PIEZO2: variants seen among roughly 807,000 people sequenced by gnomAD.
PIEZO2 encodes the protein piezo type mechanosensitive ion channel component 2.
In PIEZO2, 172 loss-of-function variants were observed where a neutral mutation model predicts 337.3. The observed-to-expected ratio is 0.51, with a 90% confidence interval of 0.45 to 0.58. The LOEUF (loss-of-function observed/expected upper bound fraction) is 0.58. Among genes scored for constraint, PIEZO2 ranks in the 20% least tolerant of loss-of-function variants. The pLI is 0.00. For synonymous variants in PIEZO2, 1,251 were observed against 1,228.5 expected, an observed-to-expected ratio of 1.02 and a Z score of -0.38; for missense variants, 3,028 against 3,391.3, an observed-to-expected ratio of 0.89 and a Z score of 2.66.
chr18:10,684,730 T>A (rs1408677869), intron 49 of PIEZO2, among the ~76,000 whole-genome samples: 1 of 152,216 alleles, frequency 6.6e-6, no homozygotes, highest in Non-Finnish European at 1.5e-5. Context: ...CCTCCCAAAG[T>A]GCTGGGATTA....
Position 11,009,521 on chromosome 18 carries a change from G to A in PIEZO2, c.161-29861C>T, listed in dbSNP as rs1180675407. On this transcript the variant is annotated intron_variant, in intron 2 of 55. Coordinates refer to ENST00000674853, the MANE Select transcript of PIEZO2 (RefSeq NM_001378183.1). This position sits in a 1 kb window ranked among gnomAD's most constrained non-coding sequence, Gnocchi z 4.6. ...AGGCGCGTGTGAGAGCAGCGTATGAGAGTAGCAGCACCTTTCTTCTTATTA... is the reference window on the plus strand; with the variant it reads ...AGGCGCGTGTGAGAGCAGCGTATGAAAGTAGCAGCACCTTTCTTCTTATTA... Among the ~76,000 whole-genome samples the A allele has an allele frequency of 6.6e-6, 1 of 152,220 alleles. No homozygotes were observed. The highest frequency in any genetic ancestry group is 1.5e-5 in the Non-Finnish European group (1 of 68,038).
At position 10,877,948 on chromosome 18, in the gene PIEZO2, A is replaced by G. The variant is rs1403475067; in HGVS notation, c.330-6533T>C. On this transcript the variant is annotated intron_variant, in intron 4 of 55. Coordinates refer to ENST00000674853, the MANE Select transcript of PIEZO2 (RefSeq NM_001378183.1). The surrounding 1 kb of genome is among the most constrained non-coding windows in gnomAD (Gnocchi z 5.3). ...ACGCGCCAGTGTTTTCCCTCTGAGCAAGTGTGCAGTCTTCTCCCTTGGCCA... is the reference window on the plus strand; with the variant it reads ...ACGCGCCAGTGTTTTCCCTCTGAGCGAGTGTGCAGTCTTCTCCCTTGGCCA... 6.6e-6 allele frequency among the ~76,000 whole-genome samples: 1 copy of G among 152,122 alleles called. No individual in the cohort carries two copies. The highest frequency in any genetic ancestry group is 1.5e-5 in the Non-Finnish European group (1 of 68,024).
chr18:10,699,204 G>A lies in PIEZO2; in HGVS notation c.6442-27C>T, dbSNP rs1479924307. On this transcript the variant is annotated intron_variant, in intron 43 of 55. Coordinates refer to ENST00000674853, the MANE Select transcript of PIEZO2 (RefSeq NM_001378183.1). ...TGAGAAAGCAGGGACAGGGACAAAT[G>A]AGGCTACTGTTTCAGGTGGAACCCT... 5 of 1,536,744 alleles carry A rather than the reference G, an allele frequency of 3.3e-6. No individual in the cohort carries two copies. The South Asian group carries it at 3.6e-5, about 11-fold the overall frequency.
At chr18:10,896,996 A>G (rs753821308) in intron 4 of PIEZO2, among the ~76,000 whole-genome samples, 4 of 152,248 alleles carry the variant, frequency 2.6e-5, no homozygotes, top group Non-Finnish European at 5.9e-5. Flanking sequence ...CTACAGCAAT[A>G]GAACGATGCA....
chr18:10,701,188 G>A (rs990865816), intron 43 of PIEZO2, among the ~76,000 whole-genome samples: 1 of 152,206 alleles, frequency 6.6e-6, no homozygotes, highest in Non-Finnish European at 1.5e-5. Context: ...AGGTTAAGAC[G>A]AGGGAAAGAA....
At chr18:10,965,290 G>A (rs1012632336) in intron 3 of PIEZO2, among the ~76,000 whole-genome samples, 11 of 152,172 alleles carry the variant, frequency 7.2e-5, no homozygotes, top group Non-Finnish European at 1.5e-4. Context: ...GTCAACACAT[G>A]TTATTGCCAC....
At chr18:10,948,543 G>A (rs1001012090) in intron 3 of PIEZO2, among the ~76,000 whole-genome samples, 4 of 152,148 alleles carry the variant, frequency 2.6e-5, no homozygotes, top group African/African-American at 9.7e-5. Context: ...TGATTAGAAT[G>A]GGTGTTGAGA....
intron 1 of PIEZO2, among the ~76,000 whole-genome samples, chr18:11,118,928 GA>G (rs1361993972): frequency 6.6e-6 from 1 of 152,156 alleles, no homozygotes; most frequent in Non-Finnish European, 1.5e-5. Flanking sequence ...AAAGCAACTG[GA>G]ACATAGAAAA....
At chr18:10,941,840 C>T (rs894865820) in intron 3 of PIEZO2, among the ~76,000 whole-genome samples, 1 of 152,210 alleles carries the variant, frequency 6.6e-6, no homozygotes, top group Non-Finnish European at 1.5e-5. Flanking sequence ...TCTGTGTTCC[C>T]ACCCAAATCT....
chr18:11,108,782 C>A (rs1001929202), intron 1 of PIEZO2, among the ~76,000 whole-genome samples: 44 of 152,110 alleles, frequency 2.9e-4, no homozygotes, highest in African/African-American at 9.9e-4. Context: ...GCTCGTGCCA[C>A]AGCTGGTTTG....
At chr18:11,142,029 C>G (rs1301657725) in intron 1 of PIEZO2, among the ~76,000 whole-genome samples, 1 of 152,098 alleles carries the variant, frequency 6.6e-6, no homozygotes, top group Non-Finnish European at 1.5e-5. Context: ...TCCACAATAT[C>G]CTAGTTTAAT....
At position 11,078,568 on chromosome 18, in the gene PIEZO2, A is replaced by T. The variant is rs948432274; in HGVS notation, c.65-12346T>A. Among the ~76,000 whole-genome samples, 1 of 152,200 alleles carries T rather than the reference A, an allele frequency of 6.6e-6. No individual in the cohort carries two copies. The highest frequency in any genetic ancestry group is 2.4e-5 in the African/African-American group (1 of 41,442). On this transcript the variant is annotated intron_variant, in intron 1 of 55. Coordinates refer to ENST00000674853, the MANE Select transcript of PIEZO2 (RefSeq NM_001378183.1). This position sits in a 1 kb window ranked among gnomAD's most constrained non-coding sequence, Gnocchi z 5.3. ...CATCCTCTTCCCTGACATATATGGA[A>T]CTATCGCTTTTGCTTTCAAATATTT...
intron 4 of PIEZO2, among the ~76,000 whole-genome samples, chr18:10,889,738 G>A (rs1275588325): frequency 6.6e-6 from 1 of 152,184 alleles, no homozygotes; most frequent in Non-Finnish European, 1.5e-5. Context: ...GACTAACAAG[G>A]AGGTGTCAGG....
rs972811901 is a variant in PIEZO2, at chr18:11,110,577, G to A, written c.64+37948C>T. Among the ~76,000 whole-genome samples, 1 of 152,162 alleles carries A rather than the reference G, an allele frequency of 6.6e-6. No individual in the cohort carries two copies. Among genetic ancestry groups the A allele is most frequent in the East Asian group, 1.9e-4 (1 of 5,186 alleles). On this transcript the variant is annotated intron_variant, in intron 1 of 55. Transcript: ENST00000674853. The surrounding 1 kb of genome is among the most constrained non-coding windows in gnomAD (Gnocchi z 4.2). ...GGGGGAGTGGGAGCTGCCACATAAC[G>A]GTTCCTTCAGAGGTGGACGGTGGTG...
intron 2 of PIEZO2, among the ~76,000 whole-genome samples, chr18:11,059,920 A>C (rs1202167644): frequency 6.6e-6 from 1 of 152,252 alleles, no homozygotes; most frequent in South Asian, 2.1e-4. Flanking sequence ...ATAGACATCT[A>C]CAGAAGTCTC....
At position 10,696,464 on chromosome 18, in the gene PIEZO2, G is replaced by A. The variant is rs759702710; in HGVS notation, c.6903C>T (p.Asp2301=). ...LIHPEYSAVT[D]VYVLMFLADT... ...CAGCCAGGAACATGAGTACATACAC[G>A]TCAGTCACGGCGCTATACTCCGGGT... Residue 2301 remains aspartate, a synonymous_variant, in exon 46 of 56, where the codon GAC becomes GAT. Coordinates refer to ENST00000674853, the MANE Select transcript of PIEZO2 (RefSeq NM_001378183.1). The A allele has an allele frequency of 1.9e-5, 30 of 1,614,062 alleles. No individual in the cohort carries two copies. Among genetic ancestry groups the A allele is most frequent in the Admixed American group, 1.0e-4 (6 of 60,014 alleles).
Position 10,724,650 on chromosome 18 carries a change from T to TCAGG in PIEZO2, c.5030-6395_5030-6392dup, listed in dbSNP as rs1465734611. 1 of 779,520 alleles carries TCAGG rather than the reference T, an allele frequency of 1.3e-6. No homozygotes were observed. Among genetic ancestry groups the TCAGG allele is most frequent in the Non-Finnish European group, 2.1e-6 (1 of 469,040 alleles). 48.3% of individuals were successfully genotyped at this position (779,520 alleles called of 1,614,324 possible). A position where few individuals can be genotyped will look rare whatever the true frequency, so the allele number is the denominator to read the frequency against. ...TGGACTCGGGGTCTCAGGCGTATGA[T>TCAGG]CAGGCACCCACCAGCCCACCTACCA... On this transcript the variant is annotated intron_variant, in intron 36 of 55. Transcript: ENST00000674853. This position sits in a 1 kb window ranked among gnomAD's most constrained non-coding sequence, Gnocchi z 5.8.
chr18:10,918,178 G>A (rs1156725535), intron 3 of PIEZO2, among the ~76,000 whole-genome samples: 1 of 152,102 alleles, frequency 6.6e-6, no homozygotes, highest in East Asian at 1.9e-4. Flanking sequence ...GGGTTAAATG[G>A]TGAGATCTAT....
chr18:11,033,922 C>A lies in PIEZO2; in HGVS notation c.160+32205G>T, dbSNP rs1382972490. On this transcript the variant is annotated intron_variant, in intron 2 of 55. Transcript: ENST00000674853. The surrounding 1 kb of genome is among the most constrained non-coding windows in gnomAD (Gnocchi z 4.2). ...CAGACTTTACCGGGTTGGTTTATAA[C>A]TTTAATACCTGAAAAACTTATACGA... Among the ~76,000 whole-genome samples, 1 of 152,018 alleles carries A rather than the reference C, an allele frequency of 6.6e-6. No homozygotes were observed. Among genetic ancestry groups the A allele is most frequent in the Admixed American group, 6.6e-5 (1 of 15,264 alleles).
Sources: allele counts gnomAD v4.1 joint callset (sites outside exome capture counted in the v4.1 genomes callset), GRCh38; gene constraint gnomAD v4.1.1; non-coding constraint Gnocchi (gnomAD v3.1); transcripts MANE v1.5; gene names NCBI Gene and HGNC (gene_info 2026-07-23, HGNC 2026-07-21).